CCDC33: variants seen among roughly 807,000 people sequenced by gnomAD.
CCDC33 encodes coiled-coil domain-containing protein 33.
CCDC33 carries 94 observed loss-of-function variants against 91.9 expected under a neutral mutation model. The observed-to-expected ratio is 1.02, with a 90% confidence interval of 0.87 to 1.21. The LOEUF (loss-of-function observed/expected upper bound fraction) is 1.21. Ranked by LOEUF, CCDC33 falls within the 50% of genes most tolerant of loss-of-function variation. The pLI is 0.00. For synonymous variants in CCDC33, 396 were observed against 374.5 expected (o/e 1.06, Z -0.66); for missense variants, 940 against 935.5 (o/e 1.00, Z -0.06).
At chr15:74,269,627 C>T (rs2142418072) in intron 5 of CCDC33, among the ~76,000 whole-genome samples, 1 of 152,362 alleles carries the variant, frequency 6.6e-6, no homozygotes, top group Non-Finnish European at 1.5e-5. Context: ...AGGCCACATC[C>T]CCAAGACACA....
intron 2 of CCDC33, among the ~76,000 whole-genome samples, chr15:74,260,223 G>C (rs1035645923): frequency 6.6e-6 from 1 of 152,168 alleles, no homozygotes; most frequent in Non-Finnish European, 1.5e-5. Flanking sequence ...GAGGGAAAAA[G>C]GGACCCGAGG....
At chr15:74,206,660 G>A (rs1216819793) in intron 1 of CCDC33, among the ~76,000 whole-genome samples, 2 of 152,220 alleles carry the variant, frequency 1.3e-5, no homozygotes, top group Non-Finnish European at 2.9e-5. Context: ...AGGAGGAGAT[G>A]GCTTGGGCAG....
Position 74,298,709 on chromosome 15 carries a change from C to CTTTTT in CCDC33, c.1290+2779_1290+2783dup, listed in dbSNP as rs35450110. On this transcript the variant is annotated intron_variant, in intron 11 of 18. Coordinates refer to ENST00000398814, the MANE Select transcript of CCDC33 (RefSeq NM_025055.5). The stretch of plus-strand genomic sequence containing the variant: ...CATTCGACACCCTGGCTAATTCTGC[C>CTTTTT]TTTTTTTTTTTTTTTTTTTTTTGAG... Among the ~76,000 whole-genome samples the CTTTTT allele has an allele frequency of 2.5e-4, 19 of 75,602 alleles. 1 individual carries two copies. The highest frequency in any genetic ancestry group is 5.1e-4 in the African/African-American group (9 of 17,514). 49.6% of individuals were successfully genotyped at this position (75,602 alleles called of 152,430 possible).
chr15:74,317,897 T>G (rs1326150627), intron 11 of CCDC33, among the ~76,000 whole-genome samples: 2 of 148,594 alleles, frequency 1.3e-5, no homozygotes, highest in Admixed American at 6.6e-5. Context: ...GTTTTTTTTT[T>G]TTTTTTTTTT....
intron 2 of CCDC33, chr15:74,212,136 C>G (rs555220595): frequency 6.5e-6 from 1 of 153,166 alleles, no homozygotes; most frequent in African/African-American, 2.4e-5. Flanking sequence ...CCTGCTCTGT[C>G]TGTCCCCAGT....
At chr15:74,327,809 C>T (rs2060340718) in intron 11 of CCDC33, among the ~76,000 whole-genome samples, 1 of 152,196 alleles carries the variant, frequency 6.6e-6, no homozygotes, top group Admixed American at 6.5e-5. Context: ...TGAGCATGCT[C>T]ACAACCCGGT....
At chr15:74,240,894 A>G (rs567774598) in intron 1 of CCDC33, among the ~76,000 whole-genome samples, 1 of 152,286 alleles carries the variant, frequency 6.6e-6, no homozygotes, top group Admixed American at 6.5e-5. Context: ...CACCCGGCCA[A>G]GTTGAAACCT....
At chr15:74,215,017 T>C (rs948970834), upstream of CCDC33, among the ~76,000 whole-genome samples, 1 of 152,200 alleles carries the variant, frequency 6.6e-6, no homozygotes, top group Non-Finnish European at 1.5e-5. Flanking sequence ...CAATGAATGA[T>C]GACTTGTGTG....
chr15:74,263,201 G>C (rs1300550730), intron 3 of CCDC33, among the ~76,000 whole-genome samples: 2 of 152,232 alleles, frequency 1.3e-5, no homozygotes, highest in Non-Finnish European at 2.9e-5. Flanking sequence ...CTTTCACACT[G>C]TGGGTCTGTT....
intron 11 of CCDC33, among the ~76,000 whole-genome samples, chr15:74,298,924 G>A (rs1053519403): frequency 5.9e-5 from 9 of 152,138 alleles, no homozygotes; most frequent in Admixed American, 5.9e-4. Flanking sequence ...TGTTGGCCAG[G>A]ATAGTCCCAA....
At chr15:74,264,203 G>C (rs1425707544) in intron 3 of CCDC33, among the ~76,000 whole-genome samples, 1 of 151,684 alleles carries the variant, frequency 6.6e-6, no homozygotes, top group Non-Finnish European at 1.5e-5. Flanking sequence ...TGCGGTGGGG[G>C]TGGGGGAGAT....
chr15:74,335,966 G>A lies in CCDC33; in HGVS notation c.2181G>A (p.Glu727=), dbSNP rs2060559160. The A allele has an allele frequency of 1.2e-6, 2 of 1,613,846 alleles. No homozygotes were observed. Among genetic ancestry groups the A allele is most frequent in the South Asian group, 1.1e-5 (1 of 91,086 alleles). The change falls in exon 19 of 19, where the codon GAG becomes GAA. Residue 727 remains glutamate (E), a synonymous_variant. Transcript: ENST00000398814. ...THSMDLKQPS[E]LEPLLPSSDS... ...CCATGGACCTCAAGCAGCCCTCAGA[G>A]CTGGAGCCCCTGCTGCCCAGCTCAG... is the stretch of plus-strand genomic sequence containing the variant.
At chr15:74,284,567 T>C (rs776297737) in intron 10 of CCDC33, among the ~76,000 whole-genome samples, 1 of 152,050 alleles carries the variant, frequency 6.6e-6, no homozygotes, top group Non-Finnish European at 1.5e-5. Context: ...ATTTTAGGAA[T>C]ATTACACTGA....
Position 74,316,146 on chromosome 15 carries a change from C to T in CCDC33, c.1291-14043C>T, listed in dbSNP as rs369173960. Among the ~76,000 whole-genome samples the T allele has an allele frequency of 7.7e-4, 117 of 152,286 alleles. 8 individuals carry two copies. The highest frequency in any genetic ancestry group is 1.2e-3 in the East Asian group (6 of 5,164). On this transcript the variant is annotated intron_variant, in intron 11 of 18. Transcript: ENST00000398814. This position sits in a 1 kb window ranked among gnomAD's most constrained non-coding sequence, Gnocchi z 4.7. ...GAGCACCCGTTTTATAGATGAAATG[C>T]CTGAGACCAGGCGGGAGCCCCTGGG...
intron 11 of CCDC33, among the ~76,000 whole-genome samples, chr15:74,322,411 T>C (rs1323168555): frequency 1.3e-5 from 2 of 152,088 alleles, no homozygotes; most frequent in African/African-American, 4.8e-5. Context: ...CAGGGAAGAA[T>C]TGGGGTTACT....
At chr15:74,278,837 A>T (rs1335412657) in intron 7 of CCDC33, among the ~76,000 whole-genome samples, 1 of 152,198 alleles carries the variant, frequency 6.6e-6, no homozygotes, top group Admixed American at 6.5e-5. Flanking sequence ...TGTTTAAATC[A>T]TACCCATGTG....
Position 74,289,075 on chromosome 15 carries a change from G to A in CCDC33, c.1096-6679G>A, listed in dbSNP as rs978992741. On this transcript the variant is annotated intron_variant, in intron 10 of 18. Coordinates refer to ENST00000398814, the MANE Select transcript of CCDC33 (RefSeq NM_025055.5). ...TGAGGACAGGGCTCCTGGGGGAGGGGAGTTGGTGGAGCCCTGCGAACCCAT... is the reference window on the plus strand; with the variant it reads ...TGAGGACAGGGCTCCTGGGGGAGGGAAGTTGGTGGAGCCCTGCGAACCCAT... Among the ~76,000 whole-genome samples, 9 of 152,286 alleles carry A rather than the reference G, an allele frequency of 5.9e-5. 1 individual carries two copies. The East Asian group carries it at 1.7e-3, about 29-fold the overall frequency.
At position 74,205,096 on chromosome 15, in the gene CCDC33, G is replaced by C. The variant is rs949587957; in HGVS notation, n.89+1998G>C. Among the ~76,000 whole-genome samples the C allele has an allele frequency of 1.3e-5, 2 of 152,216 alleles. 1 individual carries two copies. ...GCTTAGGGGAGACAACACCAGAGGG[G>C]AAGTGAAGTGGGGGAAGAGAAGAGA... On this transcript the variant is annotated intron_variant and non_coding_transcript_variant, in intron 1 of 3. Coordinates refer to the CCDC33 transcript ENST00000558645.
At chr15:74,324,780 C>CA (rs2060275332) in intron 11 of CCDC33, among the ~76,000 whole-genome samples, 1 of 151,288 alleles carries the variant, frequency 6.6e-6, no homozygotes, top group Non-Finnish European at 1.5e-5. Context: ...ACCCCTAACA[C>CA]GCTCCTCCCC....
Sources: allele counts gnomAD v4.1 joint callset (sites outside exome capture counted in the v4.1 genomes callset), GRCh38; gene constraint gnomAD v4.1.1; non-coding constraint Gnocchi (gnomAD v3.1); transcripts MANE v1.5; gene names NCBI Gene and HGNC (gene_info 2026-07-23, HGNC 2026-07-21).